Variants in PLPPR4 observed in about 807,000 individuals in gnomAD.
PLPPR4 encodes phospholipid phosphatase related 4, also known as phospholipid phosphatase-related protein type 4.
PLPPR4 carries 24 observed loss-of-function variants against 56.6 expected under a neutral mutation model. That is an observed-to-expected ratio of 0.42 (90% CI 0.31 to 0.60). PLPPR4 has a LOEUF of 0.60. Among genes scored for constraint, PLPPR4 ranks in the 20% least tolerant of loss-of-function variants. The pLI, the probability that PLPPR4 is intolerant of heterozygous loss-of-function variation, is 0.13. For missense variants in PLPPR4, 654 were observed against 885.8 expected, an observed-to-expected ratio of 0.74 and a Z score of 3.32; for synonymous variants, 326 against 328.1, an observed-to-expected ratio of 0.99 and a Z score of 0.07.
Position 99,306,602 on chromosome 1 carries a change from G to GAAC in PLPPR4, c.1745_1747dup (p.Asn582dup). The GAAC allele has an allele frequency of 6.2e-7, 1 of 1,614,118 alleles. No homozygotes were observed. Among genetic ancestry groups the GAAC allele is most frequent in the Non-Finnish European group, 8.5e-7 (1 of 1,180,020 alleles). ...TAGTGAGGGTTGAGGCTCACCCAGA[G>GAAC]AACAACAGGCCCATCATACAGATCC... On this transcript the variant is annotated inframe_insertion, in exon 7 of 7. Coordinates refer to ENST00000370185, the MANE Select transcript of PLPPR4 (RefSeq NM_014839.5). The surrounding 1 kb of genome is among the most constrained non-coding windows in gnomAD (Gnocchi z 4.0).
At chr1:99,266,290 A>G (rs1461418544) in intron 1 of PLPPR4, among the ~76,000 whole-genome samples, 2 of 152,224 alleles carry the variant, frequency 1.3e-5, no homozygotes, top group Non-Finnish European at 1.5e-5. Context: ...GCTGAGTTCC[A>G]TCTCCAGGAA....
chr1:99,277,345 C>A (rs1356445635), intron 1 of PLPPR4, among the ~76,000 whole-genome samples: 1 of 152,100 alleles, frequency 6.6e-6, no homozygotes, highest in Non-Finnish European at 1.5e-5. Context: ...GCTTTGGCAC[C>A]AATTGAATGG....
intron 6 of PLPPR4, among the ~76,000 whole-genome samples, chr1:99,303,212 A>C (rs1659929853): frequency 6.6e-6 from 1 of 152,132 alleles, no homozygotes; most frequent in Non-Finnish European, 1.5e-5. Context: ...AGAGACAGGT[A>C]TCTGAAAGAG....
intron 1 of PLPPR4, among the ~76,000 whole-genome samples, chr1:99,282,077 G>A (rs1313888403): frequency 1.3e-5 from 2 of 152,078 alleles, no homozygotes. Context: ...GGACTCTCCT[G>A]TTAGCTCCAA....
chr1:99,298,293 A>G (rs375073211), intron 3 of PLPPR4, among the ~76,000 whole-genome samples: 30 of 152,308 alleles, frequency 2.0e-4, no homozygotes, highest in Middle Eastern at 3.4e-3. Flanking sequence ...TGTGCCTGTG[A>G]GCAGAGAGCT....
rs563469916 is a variant in PLPPR4 at position 99,299,435 on chromosome 1, C to A, written c.590+205C>A. Among the ~76,000 whole-genome samples the A allele has an allele frequency of 2.6e-5, 4 of 152,074 alleles. No individual in the cohort carries two copies. The East Asian group carries it at 7.7e-4, about 29-fold the overall frequency. Reference sequence around the variant, plus strand: ...CTTCTCTATGTCTCCAAATTTCAGCCTCACATTTTTGCTACTAGTCCCTAT... The same window carrying A: ...CTTCTCTATGTCTCCAAATTTCAGCATCACATTTTTGCTACTAGTCCCTAT... On this transcript the variant is annotated intron_variant, in intron 4 of 6. Transcript: ENST00000370185.
At chr1:99,280,291 T>C (rs1184647458) in intron 1 of PLPPR4, among the ~76,000 whole-genome samples, 1 of 152,208 alleles carries the variant, frequency 6.6e-6, no homozygotes, top group African/African-American at 2.4e-5. Flanking sequence ...CTGCCTCAGT[T>C]TTCTCATTTG....
chr1:99,284,820 A>G (rs968076864), intron 1 of PLPPR4, among the ~76,000 whole-genome samples: 2 of 152,162 alleles, frequency 1.3e-5, no homozygotes, highest in African/African-American at 4.8e-5. Context: ...ATGCGTATAT[A>G]TTTGGAAGTC....
chr1:99,264,277 G>C, upstream of PLPPR4: 1 of 598,292 alleles, frequency 1.7e-6, no homozygotes, highest in Non-Finnish European at 2.9e-6. Flanking sequence ...AGCTGAGGGA[G>C]GGTGACAGGG....
At chr1:99,277,428 C>T (rs1218088062) in intron 1 of PLPPR4, among the ~76,000 whole-genome samples, 2 of 152,132 alleles carry the variant, frequency 1.3e-5, no homozygotes, top group Admixed American at 1.3e-4. Flanking sequence ...ATGTTGTTGG[C>T]TATTGTTTGT....
In PLPPR4 at chr1:99,309,318, C is replaced by A. The variant is rs747050470; in HGVS notation, c.*2308C>A. 1.3e-5 allele frequency: 2 copies of A among 152,344 alleles called. No homozygotes were observed. The highest frequency in any genetic ancestry group is 2.4e-5 in the African/African-American group (1 of 41,396). 9.4% of individuals were successfully genotyped at this position (152,344 alleles called of 1,614,324 possible). A position where few individuals can be genotyped will look rare whatever the true frequency, so the allele number is the denominator to read the frequency against. On this transcript the variant is annotated 3_prime_UTR_variant, in exon 7 of 7. Transcript: ENST00000370185. ...TATTTATCTTATTTGCTAATGGGAGCACTTCTTCCTTTGTTAGGCTGTGCT... is the reference window on the plus strand; with the variant it reads ...TATTTATCTTATTTGCTAATGGGAGAACTTCTTCCTTTGTTAGGCTGTGCT...
intron 2 of PLPPR4, among the ~76,000 whole-genome samples, chr1:99,295,668 TA>T (rs1205297913): frequency 6.6e-6 from 1 of 152,248 alleles, no homozygotes; most frequent in Non-Finnish European, 1.5e-5. Flanking sequence ...ATAAAATGGA[TA>T]ATTTTAAATC....
intron 5 of PLPPR4, 137 bp downstream of exon 5, chr1:99,301,103 C>T (rs1659873325): frequency 1.4e-6 from 1 of 705,554 alleles, no homozygotes; most frequent in Non-Finnish European, 2.5e-6. Flanking sequence ...CCTTTCAATA[C>T]AATGGCATCC....
rs140502531 is a variant in PLPPR4 at position 99,306,575 on chromosome 1, G to A, written c.1713G>A (p.Gly571=). The change falls in exon 7 of 7, where the codon GGG becomes GGA. Residue 571 remains glycine (G), a synonymous_variant. Transcript: ENST00000370185. This position sits in a 1 kb window ranked among gnomAD's most constrained non-coding sequence, Gnocchi z 4.0. ...CCTTGACAGACCATGAGCCCAGTGG[G>A]ATAGTGAGGGTTGAGGCTCACCCAG... The part of the protein sequence containing the change: ...YKTLTDHEPS[G]IVRVEAHPEN... 4,505 of 1,614,122 alleles carry A rather than the reference G, an allele frequency of 2.8e-3. 33 individuals are homozygous for A. Among genetic ancestry groups the A allele is most frequent in the Non-Finnish European group, 2.4e-3 (2,851 of 1,180,018 alleles).
intron 6 of PLPPR4, among the ~76,000 whole-genome samples, chr1:99,303,947 T>C (rs1287243678): frequency 1.3e-5 from 2 of 152,242 alleles, no homozygotes; most frequent in African/African-American, 2.4e-5. Context: ...GTGTGTCATT[T>C]CATGATGTCC....
chr1:99,300,999 T>C, intron 5 of PLPPR4, 33 bp downstream of exon 5: 1 of 1,583,488 alleles, frequency 6.3e-7, no homozygotes, highest in Non-Finnish European at 8.7e-7. Flanking sequence ...TTAAGTTGTG[T>C]TCTACAGAAA....
chr1:99,265,747 G>A (rs530851269), intron 1 of PLPPR4, among the ~76,000 whole-genome samples: 7 of 152,302 alleles, frequency 4.6e-5, no homozygotes, highest in Non-Finnish European at 8.8e-5. Flanking sequence ...AGTAGATTCT[G>A]TATTCAATGA....
At chr1:99,297,959 G>A (rs1021733686) in intron 3 of PLPPR4, among the ~76,000 whole-genome samples, 5 of 152,106 alleles carry the variant, frequency 3.3e-5, no homozygotes, top group African/African-American at 1.2e-4. Context: ...GGTCTAGAAA[G>A]TCCATTATCC....
At chr1:99,294,643 C>T (rs1557780400) in intron 2 of PLPPR4, among the ~76,000 whole-genome samples, 1 of 150,904 alleles carries the variant, frequency 6.6e-6, no homozygotes. Flanking sequence ...TTGCAGTGAG[C>T]CAAGATCACA....
Sources: gnomAD v4.1 joint callset for allele counts (sites outside exome capture counted in the v4.1 genomes callset) on GRCh38, gnomAD v4.1.1 for gene constraint, Gnocchi (gnomAD v3.1) non-coding constraint, MANE v1.5 for transcripts, NCBI Gene and HGNC (gene_info 2026-07-23, HGNC 2026-07-21) for gene names.